PRDM15: variants seen among roughly 807,000 people sequenced by gnomAD.
PRDM15 encodes the protein PR/SET domain 15, also known as PR domain zinc finger protein 15.
Under a neutral mutation model 128.6 loss-of-function variants are expected in PRDM15, and 64 were observed. The ratio of observed to expected loss-of-function variants is 0.50; its 90% CI spans 0.41 to 0.61. The LOEUF (loss-of-function observed/expected upper bound fraction) is 0.61, where lower values mean the gene tolerates loss of function less well. PRDM15 is among the 20% of genes least tolerant of loss of function. The probability of loss-of-function intolerance (pLI) is 0.00; values close to 1 mark genes in which losing one functional copy is unlikely to be tolerated. For missense variants in PRDM15, 1,242 were observed against 1,569.1 expected (o/e 0.79, Z 3.52); for synonymous variants, 615 against 621.8 (o/e 0.99, Z 0.16).
chr21:41,875,768 T>C (rs531700052), intron 1 of PRDM15, among the ~76,000 whole-genome samples: 1 of 152,364 alleles, frequency 6.6e-6, no homozygotes, highest in African/African-American at 2.4e-5. Flanking sequence ...CAAACATGCA[T>C]ATAAATTGAA....
At chr21:41,853,239 C>A (rs1236111356) in intron 5 of PRDM15, among the ~76,000 whole-genome samples, 3 of 152,254 alleles carry the variant, frequency 2.0e-5, no homozygotes, top group African/African-American at 7.2e-5. Context: ...CAACCAGGGG[C>A]ATTTTACAAA....
chr21:41,860,005 A>G (rs1440620647), intron 2 of PRDM15, among the ~76,000 whole-genome samples: 10 of 152,084 alleles, frequency 6.6e-5, no homozygotes, highest in Admixed American at 6.6e-4. Context: ...TCCCCAAAGA[A>G]TGAGCATAAA....
chr21:41,834,572 G>A (rs2062806988), intron 11 of PRDM15: 3 of 1,548,110 alleles, frequency 1.9e-6, no homozygotes, highest in Non-Finnish European at 2.6e-6. Flanking sequence ...GTCCTAGAGA[G>A]AGGGGGACAC....
intron 19 of PRDM15, chr21:41,812,317 C>A (rs28541396): frequency 0.88 from 133,594 of 152,268 alleles, 58,740 homozygotes; most frequent in African/African-American, 0.89. Flanking sequence ...CCACAAAGTG[C>A]ATGAACAAAA....
intron 14 of PRDM15, 150 bp downstream of exon 14, chr21:41,823,168 C>T (rs1371415800): frequency 2.0e-6 from 2 of 1,015,002 alleles, no homozygotes; most frequent in South Asian, 1.4e-5. Flanking sequence ...TCTATGGGGG[C>T]TTTGGGGTCT....
At position 41,828,440 on chromosome 21, in the gene PRDM15, G is replaced by C; in HGVS notation, c.1367-107C>G. On this transcript the variant is annotated intron_variant, in intron 11 of 23. Transcript: ENST00000398548. This position sits in a 1 kb window ranked among gnomAD's most constrained non-coding sequence, Gnocchi z 5.7. ...AATAAAGCGCGGGTGACGGGCATGA[G>C]AGTCACGGGGATGCGTGGCCAGGAA... The C allele has an allele frequency of 2.7e-6, 3 of 1,121,760 alleles. No individual in the cohort carries two copies. The highest frequency in any genetic ancestry group is 1.3e-5 in the South Asian group (1 of 74,938). 69.5% of individuals were successfully genotyped at this position (1,121,760 alleles called of 1,614,324 possible).
At chr21:41,819,980 TG>T (rs949068258) in intron 17 of PRDM15, 114 bp downstream of exon 17, 4 of 891,794 alleles carry the variant, frequency 4.5e-6, no homozygotes, top group African/African-American at 3.3e-5. Flanking sequence ...GAGGAAGGCA[TG>T]GGGGAGGCAA....
intron 11 of PRDM15, among the ~76,000 whole-genome samples, chr21:41,829,388 T>G (rs1311021353): frequency 6.7e-6 from 1 of 149,730 alleles, no homozygotes; most frequent in Non-Finnish European, 1.5e-5. Flanking sequence ...ACACACATAT[T>G]CAACATAAAC....
chr21:41,870,253 T>C (rs367804049), intron 1 of PRDM15, among the ~76,000 whole-genome samples: 139 of 152,242 alleles, frequency 9.1e-4, no homozygotes, highest in African/African-American at 3.2e-3. Context: ...AAAGAAAAGA[T>C]ACAATATAAA....
Position 41,847,214 on chromosome 21 carries a change from A to G in PRDM15, c.539-23T>C, listed in dbSNP as rs1369762548. The G allele has an allele frequency of 3.3e-6, 5 of 1,508,946 alleles. No homozygotes were observed. The African/African-American group carries it at 6.9e-5, about 21-fold the overall frequency. 93.5% of individuals were successfully genotyped at this position (1,508,946 alleles called of 1,614,324 possible). ...CAGCTTCAAAAGACATGAGAGGAGA[A>G]AAAGGTGACCCCCAAGCAGCTCATA... On this transcript the variant is annotated intron_variant, in intron 5 of 23. Coordinates refer to ENST00000398548, the MANE Select transcript of PRDM15 (RefSeq NM_001040424.3).
intron 1 of PRDM15, chr21:41,877,265 G>C (rs1397505002): frequency 6.6e-6 from 1 of 151,298 alleles, no homozygotes; most frequent in Non-Finnish European, 1.5e-5. Context: ...TCTTCCCATC[G>C]TCTTACCTGA....
At chr21:41,843,869 AGCCCATGAGTTTGAG>A (rs1020561286) in intron 6 of PRDM15, among the ~76,000 whole-genome samples, 6 of 150,468 alleles carry the variant, frequency 4.0e-5, no homozygotes, top group African/African-American at 1.5e-4. Context: ...GGATCATTTG[AGCCCATGAGTTTGAG>A]GCTGCAATGA....
intron 17 of PRDM15, 63 bp from the exon 18 acceptor site, chr21:41,819,764 G>A (rs1415432413): frequency 2.6e-6 from 4 of 1,543,904 alleles, no homozygotes; most frequent in Non-Finnish European, 3.5e-6. Context: ...GCTGCAAAGA[G>A]GATGCACCAA....
chr21:41,821,959 TGTC>T lies in PRDM15; in HGVS notation c.1837_1839del (p.Asp613del). ...TCCGAGTCTGCGCTCTCGTCAGAAT[TGTC>T]ATCGTTTTCTTCCGAGGAGATCCCG... On this transcript the variant is annotated inframe_deletion, in exon 15 of 24. Transcript: ENST00000398548. The surrounding 1 kb of genome is among the most constrained non-coding windows in gnomAD (Gnocchi z 5.4). 6.2e-7 allele frequency: 1 copy of T among 1,614,206 alleles called. No individual in the cohort carries two copies. The highest frequency in any genetic ancestry group is 1.1e-5 in the South Asian group (1 of 91,086).
At chr21:41,865,362 G>A (rs1253477914) in intron 1 of PRDM15, among the ~76,000 whole-genome samples, 3 of 152,216 alleles carry the variant, frequency 2.0e-5, no homozygotes, top group African/African-American at 7.2e-5. Flanking sequence ...CTGATCTCAT[G>A]TCTCTCCCAC....
chr21:41,878,884 G>T, intron 1 of PRDM15: 1 of 958,386 alleles, frequency 1.0e-6, no homozygotes, highest in South Asian at 4.8e-5. Context: ...ACGGGCGAGC[G>T]CGGCCCGGCA....
chr21:41,821,053 C>T lies in PRDM15; in HGVS notation c.2060+14G>A, dbSNP rs746362730. The T allele has an allele frequency of 1.1e-5, 18 of 1,614,020 alleles. No individual in the cohort carries two copies. In the East Asian group the frequency reaches 1.3e-4, roughly 12 times the overall value. The stretch of plus-strand genomic sequence containing the variant: ...TCTCCTGACACAACCCGGGAGCCCC[C>T]GACCAGGCCTCACTTCTGCACGTTG... On this transcript the variant is annotated intron_variant, in intron 16 of 23. Coordinates refer to ENST00000398548, the MANE Select transcript of PRDM15 (RefSeq NM_001040424.3). This position sits in a 1 kb window ranked among gnomAD's most constrained non-coding sequence, Gnocchi z 5.4.
Position 41,806,936 on chromosome 21 carries a change from TCAC to T in PRDM15, c.2653-2325_2653-2323del, listed in dbSNP as rs1221700506. Reference sequence around the variant, plus strand: ...ACCATCCCTATCACCACTATCACCATCACCACCACCATCTCCACCACCATCATC... The same window carrying T: ...ACCATCCCTATCACCACTATCACCATCACCACCATCTCCACCACCATCATC... On this transcript the variant is annotated intron_variant, in intron 21 of 23. Coordinates refer to ENST00000398548, the MANE Select transcript of PRDM15 (RefSeq NM_001040424.3). Among the ~76,000 whole-genome samples, 10 of 135,520 alleles carry T rather than the reference TCAC, an allele frequency of 7.4e-5. No homozygotes were observed. In the East Asian group the frequency reaches 1.4e-3, roughly 19 times the overall value. 88.9% of individuals were successfully genotyped at this position (135,520 alleles called of 152,430 possible).
chr21:41,834,360 C>T (rs570090333), intron 11 of PRDM15: 20 of 725,024 alleles, frequency 2.8e-5, no homozygotes, highest in Non-Finnish European at 4.6e-5. Flanking sequence ...TGCGACAGCC[C>T]TGGTCAGAGC....
Sources: gnomAD v4.1 joint callset for allele counts (sites outside exome capture counted in the v4.1 genomes callset) on GRCh38, gnomAD v4.1.1 for gene constraint, Gnocchi (gnomAD v3.1) non-coding constraint, MANE v1.5 for transcripts, NCBI Gene and HGNC (gene_info 2026-07-23, HGNC 2026-07-21) for gene names.